The following KCNJ14 variants were observed in gnomAD, a reference collection of about 807,000 sequenced individuals.
The protein encoded by KCNJ14 is ATP-sensitive inward rectifier potassium channel 14.
A neutral mutation model predicts 24.5 loss-of-function variants in KCNJ14; 18 were observed. The observed-to-expected ratio is 0.74, with a 90% CI of 0.51 to 1.09. The LOEUF (loss-of-function observed/expected upper bound fraction) is 1.09. Among genes scored for constraint, KCNJ14 ranks in the 50% least tolerant of loss-of-function variants. The probability of loss-of-function intolerance (pLI) is 0.00; values close to 1 mark genes in which losing one functional copy is unlikely to be tolerated. For synonymous variants in KCNJ14, 288 were observed against 270.8 expected (o/e 1.06, Z -0.63); for missense variants, 633 against 623.0 (o/e 1.02, Z -0.17).
Position 48,462,289 on chromosome 19 carries a change from G to A in KCNJ14, c.565G>A (p.Ala189Thr). Residue 189 changes from alanine to threonine, a missense_variant, in exon 2 of 3, where the codon GCC becomes ACC. Transcript: ENST00000342291. This position sits in a 1 kb window ranked among gnomAD's most constrained non-coding sequence, Gnocchi z 4.9. ...CGTGGGTGCTGTCATGGCCAAGATG[G>A]CCAAACCCAAGAAGCGCAACGAGAC... ...FVVGAVMAKM[A>T]KPKKRNETLV... 1 of 1,548,236 alleles carries A rather than the reference G, an allele frequency of 6.5e-7. No individual in the cohort carries two copies. The highest frequency in any genetic ancestry group is 8.7e-7 in the Non-Finnish European group (1 of 1,144,714).
rs781352540 is a variant in KCNJ14, at chr19:48,464,736, C to T, written c.1270C>T (p.Arg424Ter). 23 of 1,609,068 alleles carry T rather than the reference C, an allele frequency of 1.4e-5. No individual in the cohort carries two copies. Among genetic ancestry groups the T allele is most frequent in the Middle Eastern group, 1.6e-4 (1 of 6,080 alleles). The change falls in exon 3 of 3, where the codon CGA becomes TGA. Residue 424 changes from arginine to a stop codon, truncating the protein, a stop_gained. Coordinates refer to ENST00000342291, the MANE Select transcript of KCNJ14 (RefSeq NM_013348.4). LOFTEE classifies it high-confidence loss of function. ...VETEDGAASP[R>*]VLTPTLALTL... Reference sequence around the variant, plus strand: ...AACAGAAGATGGGGCTGCTAGCCCCCGAGTTCTCACACCAACCCTGGCGCT... The same window carrying T: ...AACAGAAGATGGGGCTGCTAGCCCCTGAGTTCTCACACCAACCCTGGCGCT...
intron 1 of KCNJ14, among the ~76,000 whole-genome samples, chr19:48,460,038 A>AAG (rs1166182556): frequency 1.1e-4 from 16 of 150,042 alleles, no homozygotes; most frequent in African/African-American, 3.7e-4. Context: ...AAAAAAAGTT[A>AAG]TTTAGTTCTG....
At position 48,462,079 on chromosome 19, in the gene KCNJ14, G is replaced by GC. The variant is rs767820668; in HGVS notation, c.357dup (p.Ala120ArgfsTer127). ...CATTGCCTCGCTGCACGGCGACCTG[G>GC]CCGCCCCGCCACCGCCCGCGCCCTG... On this transcript the variant is annotated frameshift_variant, in exon 2 of 3. Transcript: ENST00000342291. LOFTEE classifies it high-confidence loss of function. This position sits in a 1 kb window ranked among gnomAD's most constrained non-coding sequence, Gnocchi z 4.9. 12 of 1,605,636 alleles carry GC rather than the reference G, an allele frequency of 7.5e-6. No homozygotes were observed. The Admixed American group carries it at 2.0e-4, about 27-fold the overall frequency.
chr19:48,465,064 T>G lies in KCNJ14; in HGVS notation c.*287T>G. ...AGAGGAAAAGACTGGCAGTTCTAGA[T>G]TCCTCTATATGGGGAGACCTGGATT... On this transcript the variant is annotated 3_prime_UTR_variant, in exon 3 of 3. Coordinates refer to ENST00000342291, the MANE Select transcript of KCNJ14 (RefSeq NM_013348.4). 4.8e-6 allele frequency: 2 copies of G among 417,388 alleles called. No homozygotes were observed. Among genetic ancestry groups the G allele is most frequent in the Non-Finnish European group, 4.4e-6 (1 of 229,188 alleles). The allele number at this position is 417,388 out of a possible 1,614,324, so 25.9% of individuals were successfully genotyped here.
At chr19:48,460,786 T>A (rs1971586319) in intron 1 of KCNJ14, among the ~76,000 whole-genome samples, 1 of 152,198 alleles carries the variant, frequency 6.6e-6, no homozygotes, top group Non-Finnish European at 1.5e-5. Context: ...TATAATATCG[T>A]TATTGTTATA....
Position 48,461,763 on chromosome 19 carries a change from C to T in KCNJ14, c.39C>T (p.Ala13=), listed in dbSNP as rs1415854882. The change falls in exon 2 of 3, where the codon GCC becomes GCT. Residue 13 remains alanine (A), a synonymous_variant. Transcript: ENST00000342291. ...LARALRRLSG[A]LDSGDSRAGD... is the part of the protein sequence containing the mutation. ...GGGCCCTACGCCGCCTCAGCGGCGC[C>T]CTGGATTCGGGAGACAGCCGGGCGG... 4 of 1,447,824 alleles carry T rather than the reference C, an allele frequency of 2.8e-6. No individual in the cohort carries two copies. Among genetic ancestry groups the T allele is most frequent in the East Asian group, 2.5e-5 (1 of 39,564 alleles). 89.7% of individuals were successfully genotyped at this position (1,447,824 alleles called of 1,614,324 possible). A position where few individuals can be genotyped will look rare whatever the true frequency, so the allele number is the denominator to read the frequency against.
In KCNJ14 at chr19:48,464,580, C is replaced by T. The variant is rs1174918239; in HGVS notation, c.1114C>T (p.Gln372Ter). 6.2e-7 allele frequency: 1 copy of T among 1,614,116 alleles called. No individual in the cohort carries two copies. The highest frequency in any genetic ancestry group is 1.7e-5 in the Admixed American group (1 of 60,020). Residue 372 changes from glutamine (Q) to a stop codon, truncating the protein, a stop_gained, in exon 3 of 3, where the codon CAG becomes TAG. Transcript: ENST00000342291. LOFTEE classifies it high-confidence loss of function. ...SAKELDERAE[Q>*]ASHSLKSSFP... is the part of the protein sequence containing the mutation. ...TAAGGAGCTGGATGAACGGGCAGAG[C>T]AGGCTTCCCACAGCCTCAAGTCTAG...
At position 48,464,318 on chromosome 19, in the gene KCNJ14, G is replaced by C; in HGVS notation, c.852G>C (p.Leu284=). 6.2e-7 allele frequency: 1 copy of C among 1,613,780 alleles called. No homozygotes were observed. Among genetic ancestry groups the C allele is most frequent in the Non-Finnish European group, 8.5e-7 (1 of 1,179,878 alleles). The change falls in exon 3 of 3, where the codon CTG becomes CTC. Residue 284 remains leucine, a synonymous_variant. Transcript: ENST00000342291. ...ATGAGATCGACTCTGCCAGTCCTCT[G>C]TATGAGCTAGGACGTGCCGAGCTGG... The part of the protein sequence containing the change: ...IVHEIDSASP[L]YELGRAELAR...
intron 1 of KCNJ14, 116 bp from the exon 2 acceptor site, chr19:48,461,554 G>C (rs1348255660): frequency 6.1e-6 from 2 of 329,658 alleles, no homozygotes; most frequent in Non-Finnish European, 1.0e-5. Context: ...AAAAAAATGC[G>C]TATCGTTCCA....
chr19:48,462,151 G>A lies in KCNJ14; in HGVS notation c.427G>A (p.Glu143Lys). The change falls in exon 2 of 3, where the codon GAG becomes AAG. Residue 143 changes from glutamate to lysine, a missense_variant. By Grantham distance (56) the Glu-to-Lys change is moderately conservative (BLOSUM62 1). Transcript: ENST00000342291. This position sits in a 1 kb window ranked among gnomAD's most constrained non-coding sequence, Gnocchi z 4.9. ...SFLAAFLFALETQTSIGYGVR... is the reference protein window; with the variant it reads ...SFLAAFLFALKTQTSIGYGVR... ...CCTGGCCGCCTTCCTCTTCGCGCTG[G>A]AGACGCAGACGTCCATCGGCTACGG... The A allele has an allele frequency of 6.3e-7, 1 of 1,588,242 alleles. No individual in the cohort carries two copies. The highest frequency in any genetic ancestry group is 8.6e-7 in the Non-Finnish European group (1 of 1,168,252).
intron 2 of KCNJ14, among the ~76,000 whole-genome samples, chr19:48,463,393 A>G (rs1411750152): frequency 6.6e-6 from 1 of 152,056 alleles, no homozygotes; most frequent in Non-Finnish European, 1.5e-5. Flanking sequence ...CTCCTGCCTG[A>G]AGCTTTGAGA....
At position 48,465,690 on chromosome 19, in the gene KCNJ14, A is replaced by G. The variant is rs1178864128; in HGVS notation, c.*913A>G. ...GATTCTGTGGCTGTAGACTGATCAC[A>G]GAGTCAAGGAAGCAGTGGCAATTCT... is the stretch of plus-strand genomic sequence containing the variant. On this transcript the variant is annotated 3_prime_UTR_variant, in exon 3 of 3. Transcript: ENST00000342291. The G allele has an allele frequency of 6.6e-6, 1 of 152,626 alleles. No individual in the cohort carries two copies. The highest frequency in any genetic ancestry group is 2.4e-5 in the African/African-American group (1 of 41,450). The allele number at this position is 152,626 out of a possible 1,614,324, so 9.5% of individuals were successfully genotyped here.
Position 48,462,505 on chromosome 19 carries a change from G to T in KCNJ14, c.714+67G>T. ...GGGATTGTGGGAGATGTAGGCCCGA[G>T]GGCGAGGGGCGTGCGGTCCTGGAGG... On this transcript the variant is annotated intron_variant, in intron 2 of 2. Coordinates refer to ENST00000342291, the MANE Select transcript of KCNJ14 (RefSeq NM_013348.4). This position sits in a 1 kb window ranked among gnomAD's most constrained non-coding sequence, Gnocchi z 4.9. 1 of 1,243,454 alleles carries T rather than the reference G, an allele frequency of 8.0e-7. No individual in the cohort carries two copies. Among genetic ancestry groups the T allele is most frequent in the Non-Finnish European group, 1.1e-6 (1 of 923,810 alleles). 77.0% of individuals were successfully genotyped at this position (1,243,454 alleles called of 1,614,324 possible).
chr19:48,458,593 A>G (rs1971560535), intron 1 of KCNJ14, among the ~76,000 whole-genome samples: 1 of 152,064 alleles, frequency 6.6e-6, no homozygotes, highest in African/African-American at 2.4e-5. Flanking sequence ...GATTTTTAAT[A>G]GAGACGGGAT....
chr19:48,464,038 C>T, intron 2 of KCNJ14, 143 bp from the exon 3 acceptor site: 1 of 658,680 alleles, frequency 1.5e-6, no homozygotes, highest in Non-Finnish European at 2.7e-6. Flanking sequence ...GGTTGCCGGC[C>T]CCATCTCTTG....
At position 48,462,556 on chromosome 19, in the gene KCNJ14, C is replaced by A. The variant is rs1484264535; in HGVS notation, c.714+118C>A. On this transcript the variant is annotated intron_variant, in intron 2 of 2. Transcript: ENST00000342291. The surrounding 1 kb of genome is among the most constrained non-coding windows in gnomAD (Gnocchi z 4.9). ...GGGCGTGGACTACAACTCCCAGCAGCCTCTTGGGCCTGGGGCCTGCGAATG... is the reference window on the plus strand; with the variant it reads ...GGGCGTGGACTACAACTCCCAGCAGACTCTTGGGCCTGGGGCCTGCGAATG... 4.0e-6 allele frequency: 3 copies of A among 746,316 alleles called. No homozygotes were observed. Among genetic ancestry groups the A allele is most frequent in the Non-Finnish European group, 6.2e-6 (3 of 480,882 alleles). The allele number at this position is 746,316 out of a possible 1,614,324, so 46.2% of individuals were successfully genotyped here.
intron 2 of KCNJ14, among the ~76,000 whole-genome samples, chr19:48,463,381 A>G (rs1031080609): frequency 1.3e-5 from 2 of 152,096 alleles, no homozygotes; most frequent in Admixed American, 1.3e-4. Flanking sequence ...TCCCACTTCA[A>G]TCTCCTGCCT....
At chr19:48,461,528 CAAAAA>C (rs34391014) in intron 1 of KCNJ14, 137 bp from the exon 2 acceptor site, 713 of 164,664 alleles carry the variant, frequency 4.3e-3, no homozygotes, top group Middle Eastern at 7.2e-3. Context: ...ACTCTGTCTC[CAAAAA>C]AAAAAAAAAA....
rs1418394539 is a variant in KCNJ14 at position 48,461,683 on chromosome 19, C to T, written c.-42C>T. 1 of 1,280,494 alleles carries T rather than the reference C, an allele frequency of 7.8e-7. No individual in the cohort carries two copies. Among genetic ancestry groups the T allele is most frequent in the Admixed American group, 3.6e-5 (1 of 27,480 alleles). 79.3% of individuals were successfully genotyped at this position (1,280,494 alleles called of 1,614,324 possible). The stretch of plus-strand genomic sequence containing the variant: ...TTCTTGTCCCAGCAGGTTGGGGGCG[C>T]CTGCCCCCCACTAGGCCAAGTGGAG... On this transcript the variant is annotated 5_prime_UTR_variant, in exon 2 of 3. Transcript: ENST00000342291.
Sources: gnomAD v4.1 joint callset for allele counts (sites outside exome capture counted in the v4.1 genomes callset) on GRCh38, gnomAD v4.1.1 for gene constraint, Gnocchi (gnomAD v3.1) non-coding constraint, MANE v1.5 for transcripts, NCBI Gene and HGNC (gene_info 2026-07-23, HGNC 2026-07-21) for gene names.